The following CDH12 variants were observed in gnomAD, a reference collection of about 807,000 sequenced individuals.
CDH12 encodes the protein cadherin 12.
In CDH12, 41 loss-of-function variants were observed where a neutral mutation model predicts 74.1. The ratio of observed to expected loss-of-function variants is 0.55; its 90% CI spans 0.43 to 0.72. The LOEUF (loss-of-function observed/expected upper bound fraction) is 0.72. CDH12 is among the 30% of genes least tolerant of loss of function. The pLI is 0.00. For missense variants in CDH12, 945 were observed against 977.2 expected, an observed-to-expected ratio of 0.97 and a Z score of 0.44; for synonymous variants, 399 against 355.0, an observed-to-expected ratio of 1.12 and a Z score of -1.39.
intron 1 of CDH12, among the ~76,000 whole-genome samples, chr5:22,749,542 C>T (rs908972558): frequency 4.6e-5 from 7 of 151,984 alleles, no homozygotes; most frequent in African/African-American, 1.7e-4. Flanking sequence ...TACATAGAGA[C>T]AAAATAACTT....
At chr5:22,654,539 C>T (rs1187113737) in intron 1 of CDH12, among the ~76,000 whole-genome samples, 1 of 152,100 alleles carries the variant, frequency 6.6e-6, no homozygotes, top group Non-Finnish European at 1.5e-5. Flanking sequence ...ATCTGCCTGC[C>T]TCGGCCTCCC....
intron 5 of CDH12, among the ~76,000 whole-genome samples, chr5:22,040,731 T>C (rs377328086): frequency 6.6e-6 from 1 of 152,138 alleles, no homozygotes; most frequent in South Asian, 2.1e-4. Context: ...AAGTAAAAGA[T>C]AAAATTTTCC....
chr5:22,362,440 A>G (rs369343263), intron 3 of CDH12, among the ~76,000 whole-genome samples: 11 of 152,208 alleles, frequency 7.2e-5, no homozygotes, highest in African/African-American at 2.6e-4. Flanking sequence ...ATCAGGTGCT[A>G]GAGAGGATGT....
chr5:22,152,673 A>G (rs1054753434), intron 4 of CDH12, among the ~76,000 whole-genome samples: 5 of 152,208 alleles, frequency 3.3e-5, no homozygotes, highest in African/African-American at 4.8e-5. Context: ...AATACAATAT[A>G]TTACTAACTA....
intron 3 of CDH12, among the ~76,000 whole-genome samples, chr5:22,236,881 T>A (rs1435722691): frequency 2.0e-5 from 3 of 152,142 alleles, no homozygotes; most frequent in Non-Finnish European, 4.4e-5. Context: ...GTAATATGCA[T>A]GGAGCCATTG....
intron 4 of CDH12, among the ~76,000 whole-genome samples, chr5:22,097,467 C>T (rs1743856071): frequency 6.6e-6 from 1 of 152,170 alleles, no homozygotes; most frequent in Admixed American, 6.5e-5. Flanking sequence ...TCCCTTGCCT[C>T]CATAAATGTG....
rs538635858 is a variant in CDH12 at position 22,692,329 on chromosome 5, C to T, written c.-523+160729G>A. Among the ~76,000 whole-genome samples the T allele has an allele frequency of 9.2e-5, 14 of 152,242 alleles. No individual in the cohort carries two copies. The South Asian group carries it at 2.3e-3, about 25-fold the overall frequency. On this transcript the variant is annotated intron_variant, in intron 1 of 14. Coordinates refer to ENST00000382254, the MANE Select transcript of CDH12 (RefSeq NM_004061.5). Reference sequence around the variant, plus strand: ...TTTTTGAAAATAAATTATCCAGCCTCGGGTATTCCTTAGAGTAACGCAAAT... The same window carrying T: ...TTTTTGAAAATAAATTATCCAGCCTTGGGTATTCCTTAGAGTAACGCAAAT...
intron 4 of CDH12, among the ~76,000 whole-genome samples, chr5:22,154,600 T>C (rs1332505853): frequency 6.7e-6 from 1 of 149,676 alleles, no homozygotes; most frequent in Non-Finnish European, 1.5e-5. Flanking sequence ...CACATATATA[T>C]ACACACTATA....
At chr5:22,338,436 A>G in intron 3 of CDH12, among the ~76,000 whole-genome samples, 1 of 152,086 alleles carries the variant, frequency 6.6e-6, no homozygotes, top group East Asian at 1.9e-4. Flanking sequence ...AAGGGTACTG[A>G]GAGGGTGGTG....
chr5:22,346,340 C>T (rs567909611), intron 3 of CDH12, among the ~76,000 whole-genome samples: 159 of 152,216 alleles, frequency 1.0e-3, no homozygotes, highest in Middle Eastern at 6.8e-3. Context: ...ATTTACATAA[C>T]GTATTTACAT....
chr5:22,246,584 A>G (rs929520106), intron 3 of CDH12, among the ~76,000 whole-genome samples: 2 of 152,080 alleles, frequency 1.3e-5, no homozygotes, highest in Non-Finnish European at 2.9e-5. Flanking sequence ...CTCAATCTTG[A>G]AAAAGAAAAC....
chr5:21,870,305 T>C (rs1751552069), intron 6 of CDH12, among the ~76,000 whole-genome samples: 1 of 152,158 alleles, frequency 6.6e-6, no homozygotes, highest in Non-Finnish European at 1.5e-5. Flanking sequence ...TGAGGGTGTT[T>C]CCAGAGGAGA....
intron 6 of CDH12, among the ~76,000 whole-genome samples, chr5:21,904,186 G>A (rs1255878080): frequency 6.6e-6 from 1 of 152,078 alleles, no homozygotes; most frequent in African/African-American, 2.4e-5. Context: ...ATGTTTCACT[G>A]GTGGTGTTTG....
At chr5:22,670,460 CTTCTT>C (rs1740847657) in intron 1 of CDH12, among the ~76,000 whole-genome samples, 1 of 152,110 alleles carries the variant, frequency 6.6e-6, no homozygotes, top group African/African-American at 2.4e-5. Context: ...CCACTGTTCT[CTTCTT>C]AGATTATAAA....
intron 5 of CDH12, 26 bp downstream of exon 5, chr5:22,078,419 CG>C (rs777626411): frequency 6.3e-7 from 1 of 1,598,362 alleles, no homozygotes; most frequent in Admixed American, 1.7e-5. Context: ...TCCTATCAAG[CG>C]GTTGTCAAAA....
At chr5:21,963,558 A>T (rs952824607) in intron 6 of CDH12, among the ~76,000 whole-genome samples, 5 of 152,156 alleles carry the variant, frequency 3.3e-5, no homozygotes, top group Admixed American at 3.3e-4. Flanking sequence ...TTGATGCATA[A>T]AACCTGTTTC....
At chr5:22,653,956 T>G (rs1011824233) in intron 1 of CDH12, among the ~76,000 whole-genome samples, 2 of 152,176 alleles carry the variant, frequency 1.3e-5, no homozygotes, top group African/African-American at 4.8e-5. Context: ...CACTTTTATC[T>G]ATTCTCATGG....
chr5:22,400,452 AT>A (rs200864343), intron 3 of CDH12, among the ~76,000 whole-genome samples: 19 of 151,324 alleles, frequency 1.3e-4, no homozygotes, highest in South Asian at 1.0e-3. Context: ...GCTTGCAGAG[AT>A]TTTTTTTTAA....
intron 1 of CDH12, among the ~76,000 whole-genome samples, chr5:22,608,952 T>A (rs1037496060): frequency 6.6e-6 from 1 of 152,128 alleles, no homozygotes; most frequent in African/African-American, 2.4e-5. Flanking sequence ...GAGGACAGAC[T>A]AATACACATA....
Sources: allele counts gnomAD v4.1 joint callset (sites outside exome capture counted in the v4.1 genomes callset), GRCh38; gene constraint gnomAD v4.1.1; transcripts MANE v1.5; gene names NCBI Gene and HGNC (gene_info 2026-07-23, HGNC 2026-07-21).